NAA11: variants seen among roughly 807,000 people sequenced by gnomAD.
NAA11 encodes the protein N-alpha-acetyltransferase 11, NatA catalytic subunit, also known as N-alpha-acetyltransferase 11.
NAA11 carries 15 observed loss-of-function variants against 16.1 expected under a neutral mutation model. That is an observed-to-expected ratio of 0.93 (90% confidence interval 0.62 to 1.44). The LOEUF (loss-of-function observed/expected upper bound fraction) is 1.44. NAA11 is among the 40% of genes most tolerant of loss of function. NAA11 has a pLI of 0.00. For synonymous variants in NAA11, 122 were observed against 112.4 expected (o/e 1.09, Z -0.54); for missense variants, 298 against 291.3 (o/e 1.02, Z -0.17).
the NAA11 span, among the ~76,000 whole-genome samples, chr4:79,161,635 A>G: frequency 6.6e-6 from 1 of 151,432 alleles, no homozygotes; most frequent in Admixed American, 6.6e-5. Flanking sequence ...AGCAATATTG[A>G]GTCTCCTAAT....
At position 79,325,709 on chromosome 4, in the gene NAA11, G is replaced by T. The variant is rs1233718153; in HGVS notation, c.169C>A (p.Leu57Met). ...TCTGGTTCCTCCTCCATTTTGGCCAGAACATAGCCCACAATCTTCCCGTCC... is the reference window on the plus strand; with the variant it reads ...TCTGGTTCCTCCTCCATTTTGGCCATAACATAGCCCACAATCTTCCCGTCC... ...DEDGKIVGYV[L>M]AKMEEEPDDV... Residue 57 changes from leucine to methionine, a missense_variant, in exon 1 of 2, where the codon CTG becomes ATG. Coordinates refer to ENST00000286794, the MANE Select transcript of NAA11 (RefSeq NM_032693.3). 1.9e-6 allele frequency: 3 copies of T among 1,614,086 alleles called. No individual in the cohort carries two copies. The African/African-American group carries it at 4.0e-5, about 22-fold the overall frequency.
downstream of NAA11, among the ~76,000 whole-genome samples, chr4:79,314,453 G>A (rs929526871): frequency 8.6e-5 from 13 of 151,736 alleles, no homozygotes; most frequent in Non-Finnish European, 1.9e-4. Flanking sequence ...TAAAAATACG[G>A]GACTGATTTT....
the NAA11 span, among the ~76,000 whole-genome samples, chr4:79,159,531 A>T: frequency 6.6e-6 from 1 of 152,212 alleles, no homozygotes; most frequent in South Asian, 2.1e-4. Context: ...GTGATTTTTA[A>T]TGTATTCACA....
At chr4:79,202,587 T>A in the NAA11 span, among the ~76,000 whole-genome samples, 22 of 103,334 alleles carry the variant, frequency 2.1e-4, no homozygotes, top group African/African-American at 5.5e-4. Context: ...ATATGTAGTT[T>A]TATATATATA....
intron 1 of NAA11, among the ~76,000 whole-genome samples, chr4:79,294,793 A>ATT (rs1423532998): frequency 2.0e-5 from 3 of 152,202 alleles, no homozygotes; most frequent in Non-Finnish European, 2.9e-5. Context: ...AATGATCCAT[A>ATT]GTTTTCTAAT....
At chr4:79,324,198 G>A (rs1286926888) in intron 1 of NAA11, among the ~76,000 whole-genome samples, 2 of 151,692 alleles carry the variant, frequency 1.3e-5, no homozygotes, top group East Asian at 1.9e-4. Flanking sequence ...TTATTTTAAA[G>A]GAAATCCTAG....
intron 2 of NAA11, among the ~76,000 whole-genome samples, chr4:79,271,683 A>C (rs1560438739): frequency 6.6e-6 from 1 of 152,030 alleles, no homozygotes; most frequent in South Asian, 2.1e-4. Flanking sequence ...AATTAGACCA[A>C]ATTAAGAAAA....
At chr4:79,170,327 T>C in the NAA11 span, among the ~76,000 whole-genome samples, 1 of 152,198 alleles carries the variant, frequency 6.6e-6, no homozygotes, top group African/African-American at 2.4e-5. Flanking sequence ...TGCTTCCACC[T>C]GGCTCTCTAT....
chr4:79,296,027 T>A (rs1023485075), intron 1 of NAA11, among the ~76,000 whole-genome samples: 1 of 152,192 alleles, frequency 6.6e-6, no homozygotes, highest in Non-Finnish European at 1.5e-5. Flanking sequence ...TTAAAAGATA[T>A]CCCTTTTCTT....
At chr4:79,304,104 G>A (rs1723491384) in intron 1 of NAA11, among the ~76,000 whole-genome samples, 2 of 151,870 alleles carry the variant, frequency 1.3e-5, no homozygotes, top group African/African-American at 2.4e-5. Flanking sequence ...AACATATTTG[G>A]ACTAAGATAT....
intron 1 of NAA11, among the ~76,000 whole-genome samples, chr4:79,301,564 T>C (rs914663345): frequency 6.6e-6 from 1 of 152,210 alleles, no homozygotes; most frequent in Non-Finnish European, 1.5e-5. Flanking sequence ...GCTCATTTCT[T>C]GGTGATAGAA....
chr4:79,157,954 AC>A, the NAA11 span, among the ~76,000 whole-genome samples: 1 of 142,402 alleles, frequency 7.0e-6, no homozygotes, highest in African/African-American at 2.7e-5. Context: ...AGGCTGGAGT[AC>A]AGTGGCGTGA....
intron 1 of NAA11, among the ~76,000 whole-genome samples, chr4:79,319,805 C>G (rs946313653): frequency 6.6e-6 from 1 of 152,184 alleles, no homozygotes; most frequent in Non-Finnish European, 1.5e-5. Flanking sequence ...GGTTATACTA[C>G]GAATTTACCA....
intron 2 of NAA11, among the ~76,000 whole-genome samples, chr4:79,266,912 G>T (rs754341023): frequency 6.6e-5 from 10 of 152,164 alleles, no homozygotes; most frequent in Non-Finnish European, 1.5e-4. Flanking sequence ...AACGAGTAAG[G>T]TCTTTTTAAA....
intron 2 of NAA11, among the ~76,000 whole-genome samples, chr4:79,250,561 A>G (rs780272922): frequency 3.3e-5 from 5 of 152,208 alleles, no homozygotes; most frequent in Non-Finnish European, 5.9e-5. Flanking sequence ...CATTCTGGAC[A>G]TAGGACCCGG....
intron 2 of NAA11, among the ~76,000 whole-genome samples, chr4:79,255,458 T>G (rs2109970444): frequency 6.6e-6 from 1 of 152,342 alleles, no homozygotes; most frequent in South Asian, 2.1e-4. Context: ...GTATTCTATA[T>G]TGCTATCAGT....
In NAA11 at chr4:79,236,263, C is replaced by G. The variant is rs564694702; in HGVS notation, c.*123-9993G>C. ...AGCTTAAAAATAAGTTCATATACAT[C>G]TGTTGCATTCCACTGACCACAATTT... On this transcript the variant is annotated intron_variant and NMD_transcript_variant, in intron 2 of 2. Coordinates refer to the NAA11 transcript ENST00000511542. Among the ~76,000 whole-genome samples the G allele has an allele frequency of 4.6e-5, 7 of 152,134 alleles. 1 individual carries two copies. The highest frequency in any genetic ancestry group is 1.7e-4 in the African/African-American group (7 of 41,532).
chr4:79,222,019 T>G (rs1230664393), downstream of NAA11, among the ~76,000 whole-genome samples: 4 of 147,768 alleles, frequency 2.7e-5, no homozygotes, highest in Non-Finnish European at 3.0e-5. Context: ...CTCTTTTTGG[T>G]TGGTAAGCTA....
At chr4:79,272,298 A>G (rs930215733) in intron 2 of NAA11, among the ~76,000 whole-genome samples, 16 of 152,048 alleles carry the variant, frequency 1.1e-4, no homozygotes, top group Admixed American at 2.0e-4. Context: ...CAGTTTTCCA[A>G]ACTTGTTGGA....
Sources: allele counts gnomAD v4.1 joint callset (sites outside exome capture counted in the v4.1 genomes callset), GRCh38; gene constraint gnomAD v4.1.1; transcripts MANE v1.5; gene names NCBI Gene and HGNC (gene_info 2026-07-23, HGNC 2026-07-21).